Variants in SLC12A3 observed in about 807,000 individuals in gnomAD.
SLC12A3 encodes the protein Na-Cl cotransporter.
Under a neutral mutation model 121.0 loss-of-function variants are expected in SLC12A3, and 104 were observed. The observed-to-expected ratio is 0.86, with a 90% CI of 0.73 to 1.01. SLC12A3 has a LOEUF of 1.01. Ranked by LOEUF, SLC12A3 falls within the 50% of genes least tolerant of loss-of-function variation. The pLI is 0.00. For synonymous variants in SLC12A3, 536 were observed against 533.4 expected (o/e 1.00, Z -0.07); for missense variants, 1,328 against 1,356.3 (o/e 0.98, Z 0.33).
chr16:56,887,193 T>C, intron 17 of SLC12A3, 100 bp downstream of exon 17: 1 of 1,496,982 alleles, frequency 6.7e-7, no homozygotes, highest in Non-Finnish European at 9.1e-7. Flanking sequence ...CCCCTTTTGC[T>C]GCAGAAGGAG....
intron 12 of SLC12A3, 69 bp from the exon 13 acceptor site, chr16:56,882,327 G>T: frequency 7.7e-7 from 1 of 1,305,968 alleles, no homozygotes; most frequent in South Asian, 1.2e-5. Flanking sequence ...CCCTGGGAAG[G>T]AGGGTGCCAA....
chr16:56,904,560 C>A (rs1212767270), intron 25 of SLC12A3, 98 bp downstream of exon 25: 4 of 1,173,790 alleles, frequency 3.4e-6, no homozygotes, highest in African/African-American at 1.5e-5. Context: ...AGGGCCCAAG[C>A]CTTCCCCTAG....
intron 22 of SLC12A3, among the ~76,000 whole-genome samples, chr16:56,899,261 T>C (rs1808822568): frequency 7.1e-6 from 1 of 140,690 alleles, no homozygotes; most frequent in Non-Finnish European, 1.5e-5. Flanking sequence ...CAGCCTATAA[T>C]GCCAGCACTT....
Position 56,886,939 on chromosome 16 carries a change from C to T in SLC12A3, c.2038-14C>T, listed in dbSNP as rs774670087. 6.2e-7 allele frequency: 1 copy of T among 1,613,258 alleles called. No homozygotes were observed. Among genetic ancestry groups the T allele is most frequent in the Non-Finnish European group, 8.5e-7 (1 of 1,179,920 alleles). ...AAGGCAGCTGGTGATGTCCCCTGCC[C>T]CTCCCACCCACAGGGACCCCACAAG... On this transcript the variant is annotated splice_polypyrimidine_tract_variant and intron_variant, in intron 16 of 25. Transcript: ENST00000563236.
chr16:56,908,456 T>C (rs962243879), intron 25 of SLC12A3, among the ~76,000 whole-genome samples: 58 of 152,090 alleles, frequency 3.8e-4, no homozygotes, highest in African/African-American at 1.3e-3. Flanking sequence ...CAGATAGTGA[T>C]ATAATTTATA....
intron 8 of SLC12A3, among the ~76,000 whole-genome samples, chr16:56,873,714 T>TA (rs2055132390): frequency 6.8e-6 from 1 of 147,828 alleles, no homozygotes; most frequent in South Asian, 2.2e-4. Context: ...TTTTATTTTT[T>TA]TTTTTTTGAG....
chr16:56,882,218 C>T (rs553893644), intron 12 of SLC12A3, among the ~76,000 whole-genome samples, 178 bp from the exon 13 acceptor site: 4 of 152,302 alleles, frequency 2.6e-5, no homozygotes, highest in African/African-American at 7.2e-5. Flanking sequence ...CTTTGAGCTT[C>T]ACAAAAGGAT....
chr16:56,884,774 G>C (rs1272524186), intron 14 of SLC12A3, among the ~76,000 whole-genome samples: 1 of 152,006 alleles, frequency 6.6e-6, no homozygotes, highest in Admixed American at 6.6e-5. Flanking sequence ...ACTTTTTTGT[G>C]GGGGGACTGG....
intron 22 of SLC12A3, among the ~76,000 whole-genome samples, chr16:56,898,859 T>C (rs2055500164): frequency 6.6e-6 from 1 of 152,220 alleles, no homozygotes; most frequent in South Asian, 2.1e-4. Flanking sequence ...CCTTTGTTAC[T>C]CAAAGTGTTG....
chr16:56,882,480 C>T lies in SLC12A3; in HGVS notation c.1652C>T (p.Ser551Phe). The T allele has an allele frequency of 6.2e-7, 1 of 1,613,842 alleles. No homozygotes were observed. Among genetic ancestry groups the T allele is most frequent in the Non-Finnish European group, 8.5e-7 (1 of 1,179,752 alleles). ...ATCAACTTCAGCTGCTTCCACGCCT[C>T]CATCACCAACTCGCCTGGTAAGCAA... ...ALINFSCFHA[S>F]ITNSPGWRPS... is the part of the protein sequence containing the mutation. Residue 551 changes from serine to phenylalanine, a missense_variant, in exon 13 of 26, where the codon TCC becomes TTC. By Grantham distance (155) the Ser-to-Phe change is radical (BLOSUM62 -2). Coordinates refer to ENST00000563236, the MANE Select transcript of SLC12A3 (RefSeq NM_001126108.2).
intron 13 of SLC12A3, among the ~76,000 whole-genome samples, chr16:56,883,438 G>A (rs1262134059): frequency 4.0e-5 from 6 of 151,586 alleles, no homozygotes; most frequent in Non-Finnish European, 7.4e-5. Context: ...CCACCACCAC[G>A]CCCAGCTAAT....
chr16:56,881,363 C>T (rs555083665), intron 12 of SLC12A3, among the ~76,000 whole-genome samples: 44 of 152,070 alleles, frequency 2.9e-4, no homozygotes, highest in Non-Finnish European at 5.0e-4. Flanking sequence ...TCCCCGGCCC[C>T]GTCTCTGCTT....
At chr16:56,892,196 C>T (rs2055397527) in intron 20 of SLC12A3, 63 bp downstream of exon 20, 2 of 1,538,474 alleles carry the variant, frequency 1.3e-6, no homozygotes, top group African/African-American at 1.4e-5. Flanking sequence ...GGCACTCTAG[C>T]CCTGTGGGGT....
intron 9 of SLC12A3, among the ~76,000 whole-genome samples, chr16:56,878,476 TGA>T: frequency 6.6e-6 from 1 of 152,120 alleles, no homozygotes; most frequent in South Asian, 2.1e-4. Context: ...ATGATGATGA[TGA>T]TGATGATGAT....
chr16:56,885,392 G>C (rs2055297497), intron 15 of SLC12A3, 28 bp downstream of exon 15: 1 of 1,413,378 alleles, frequency 7.1e-7, no homozygotes, highest in Non-Finnish European at 9.8e-7. Context: ...GACCCACCTG[G>C]GACCCCAGGG....
chr16:56,882,536 A>C, intron 13 of SLC12A3, 39 bp downstream of exon 13: 3 of 1,489,198 alleles, frequency 2.0e-6, no homozygotes, highest in African/African-American at 1.4e-5. Flanking sequence ...GGAGGCACCC[A>C]GGGGGCAGGA....
intron 13 of SLC12A3, among the ~76,000 whole-genome samples, chr16:56,883,664 G>T (rs1224354955): frequency 6.6e-6 from 1 of 152,182 alleles, no homozygotes; most frequent in African/African-American, 2.4e-5. Context: ...CCCTGGAGTT[G>T]CACCATGAGG....
At chr16:56,909,027 C>A (rs2055648223) in intron 25 of SLC12A3, among the ~76,000 whole-genome samples, 1 of 152,220 alleles carries the variant, frequency 6.6e-6, no homozygotes, top group South Asian at 2.1e-4. Context: ...TCTCTCTAGC[C>A]TCAGTTTCCC....
intron 19 of SLC12A3, among the ~76,000 whole-genome samples, chr16:56,891,250 G>A (rs1466474725): frequency 2.6e-5 from 4 of 151,416 alleles, no homozygotes; most frequent in Admixed American, 6.6e-5. Flanking sequence ...CACGTGTCTG[G>A]AGTCTCAGCT....
Sources: gnomAD v4.1 joint callset for allele counts (sites outside exome capture counted in the v4.1 genomes callset) on GRCh38, gnomAD v4.1.1 for gene constraint, MANE v1.5 for transcripts, NCBI Gene and HGNC (gene_info 2026-07-23, HGNC 2026-07-21) for gene names.